Variants in POU5F2 observed in about 807,000 individuals in gnomAD.
POU5F2 encodes POU domain, class 5, transcription factor 2.
For missense variants in POU5F2, 401 were observed against 426.6 expected, an observed-to-expected ratio of 0.94 and a Z score of 0.53; for synonymous variants, 191 against 178.7, an observed-to-expected ratio of 1.07 and a Z score of -0.55.
chr5:93,740,059 G>A lies in POU5F2; in HGVS notation c.*518C>T, dbSNP rs1748067016. Reference sequence around the variant, plus strand: ...AGGTGTTTCAGCAAGGGCTCTAGGTGGGCTCTGTGTGTTTCTTCCCTATCA... The same window carrying A: ...AGGTGTTTCAGCAAGGGCTCTAGGTAGGCTCTGTGTGTTTCTTCCCTATCA... On this transcript the variant is annotated 3_prime_UTR_variant, in exon 1 of 1. Coordinates refer to ENST00000606183, the MANE Select transcript of POU5F2 (RefSeq NM_153216.2). The A allele has an allele frequency of 6.6e-6, 1 of 151,682 alleles. No individual in the cohort carries two copies. Among genetic ancestry groups the A allele is most frequent in the South Asian group, 2.1e-4 (1 of 4,802 alleles). 9.4% of individuals were successfully genotyped at this position (151,682 alleles called of 1,614,324 possible).
rs1011717938 is a variant in POU5F2, at chr5:93,734,438, C to T, written c.*6139G>A. 5 of 152,080 alleles carry T rather than the reference C, an allele frequency of 3.3e-5. No homozygotes were observed. Among genetic ancestry groups the T allele is most frequent in the African/African-American group, 1.2e-4 (5 of 41,396 alleles). 9.4% of individuals were successfully genotyped at this position (152,080 alleles called of 1,614,324 possible). A position where few individuals can be genotyped will look rare whatever the true frequency, so the allele number is the denominator to read the frequency against. On this transcript the variant is annotated 3_prime_UTR_variant, in exon 1 of 1. Coordinates refer to ENST00000606183, the MANE Select transcript of POU5F2 (RefSeq NM_153216.2). ...AAACTGTAGATCTAAAGAAGAGCCA[C>T]GGTCCTCTTTGAATATGTGATGAAG...
rs1469449634 is a variant in POU5F2, at chr5:93,738,242, C to A, written c.*2335G>T. On this transcript the variant is annotated 3_prime_UTR_variant, in exon 1 of 1. Coordinates refer to ENST00000606183, the MANE Select transcript of POU5F2 (RefSeq NM_153216.2). ...ATTAGAGAAATACAAATCAAAACCA[C>A]AATGAGACACCACTTAACAGCTACC... 1 of 155,804 alleles carries A rather than the reference C, an allele frequency of 6.4e-6. No homozygotes were observed. Among genetic ancestry groups the A allele is most frequent in the Non-Finnish European group, 1.4e-5 (1 of 70,414 alleles). The allele number at this position is 155,804 out of a possible 1,614,324, so 9.7% of individuals were successfully genotyped here. A position where few individuals can be genotyped will look rare whatever the true frequency, so the allele number is the denominator to read the frequency against.
At position 93,740,190 on chromosome 5, in the gene POU5F2, C is replaced by A. The variant is rs1219202082; in HGVS notation, c.*387G>T. 1 of 163,176 alleles carries A rather than the reference C, an allele frequency of 6.1e-6. No homozygotes were observed. Among genetic ancestry groups the A allele is most frequent in the South Asian group, 1.8e-4 (1 of 5,426 alleles). The allele number at this position is 163,176 out of a possible 1,614,324, so 10.1% of individuals were successfully genotyped here. A position where few individuals can be genotyped will look rare whatever the true frequency, so the allele number is the denominator to read the frequency against. On this transcript the variant is annotated 3_prime_UTR_variant, in exon 1 of 1. Transcript: ENST00000606183. ...GTAAAAAATTGTATACTAAGGTAGT[C>A]TTCTGTGACTTGAGTTTTTCACTTA...
Position 93,733,710 on chromosome 5 carries a change from T to C in POU5F2, c.*6867A>G, listed in dbSNP as rs140220613. On this transcript the variant is annotated 3_prime_UTR_variant, in exon 1 of 1. Coordinates refer to ENST00000606183, the MANE Select transcript of POU5F2 (RefSeq NM_153216.2). Reference sequence around the variant, plus strand: ...TTAAATAATTGGCCACCTAAATCTTTACCTTCGAAATTTCCTTAACTATCT... The same window carrying C: ...TTAAATAATTGGCCACCTAAATCTTCACCTTCGAAATTTCCTTAACTATCT... The C allele has an allele frequency of 1.3e-5, 2 of 152,316 alleles. No individual in the cohort carries two copies. Among genetic ancestry groups the C allele is most frequent in the East Asian group, 3.9e-4 (2 of 5,188 alleles). The allele number at this position is 152,316 out of a possible 1,614,324, so 9.4% of individuals were successfully genotyped here.
At position 93,734,118 on chromosome 5, in the gene POU5F2, T is replaced by C. The variant is rs1580942419; in HGVS notation, c.*6459A>G. Reference sequence around the variant, plus strand: ...GGTATCCAAACACCTCATGATTTCTTAGAGAATAAGAAAACTTCTAGGAAA... The same window carrying C: ...GGTATCCAAACACCTCATGATTTCTCAGAGAATAAGAAAACTTCTAGGAAA... On this transcript the variant is annotated 3_prime_UTR_variant, in exon 1 of 1. Coordinates refer to ENST00000606183, the MANE Select transcript of POU5F2 (RefSeq NM_153216.2). 1 of 152,164 alleles carries C rather than the reference T, an allele frequency of 6.6e-6. No individual in the cohort carries two copies. The highest frequency in any genetic ancestry group is 2.4e-5 in the African/African-American group (1 of 41,448). The allele number at this position is 152,164 out of a possible 1,614,324, so 9.4% of individuals were successfully genotyped here. A position where few individuals can be genotyped will look rare whatever the true frequency, so the allele number is the denominator to read the frequency against.
rs1747857769 is a variant in POU5F2, at chr5:93,739,222, T to C, written c.*1355A>G. The C allele has an allele frequency of 6.6e-6, 1 of 151,934 alleles. No individual in the cohort carries two copies. The highest frequency in any genetic ancestry group is 2.1e-4 in the South Asian group (1 of 4,812). The allele number at this position is 151,934 out of a possible 1,614,324, so 9.4% of individuals were successfully genotyped here. Reference sequence around the variant, plus strand: ...TGCACTCTTGGGCCCACAAGAGTTATTCTCTATACAGCCACCAGAAAAAAA... The same window carrying C: ...TGCACTCTTGGGCCCACAAGAGTTACTCTCTATACAGCCACCAGAAAAAAA... On this transcript the variant is annotated 3_prime_UTR_variant, in exon 1 of 1. Coordinates refer to ENST00000606183, the MANE Select transcript of POU5F2 (RefSeq NM_153216.2).
At position 93,740,579 on chromosome 5, in the gene POU5F2, A is replaced by G; in HGVS notation, c.985T>C (p.Ter329GlnextTer2). 1 of 1,590,570 alleles carries G rather than the reference A, an allele frequency of 6.3e-7. No homozygotes were observed. Among genetic ancestry groups the G allele is most frequent in the Non-Finnish European group, 8.6e-7 (1 of 1,162,296 alleles). Residue 329 changes from the stop codon to glutamine, a stop_lost, in exon 1 of 1, where the codon TAG (stop) becomes CAG (glutamine). Coordinates refer to ENST00000606183, the MANE Select transcript of POU5F2 (RefSeq NM_153216.2). ...CGTGAAGGGCAAGCCCCTCAGCCCT[A>G]AAATCTGAGGAGGCCCAGAGTGGTG... ...PATTLGLLRF[*>Q]
rs774933866 is a variant in POU5F2, at chr5:93,741,236, T to A, written c.328A>T (p.Ile110Phe). ...TCCTCTGGCGGCGGCAACTTCGGAA[T>A]GCTCCGCAGGGCAATGTAGGGCCCC... Reference protein sequence around the residue: ...LPGPYIALRSIPKLPPPEDIS... With the variant: ...LPGPYIALRSFPKLPPPEDIS... The change falls in exon 1 of 1, where the codon ATT (isoleucine) becomes TTT (phenylalanine). Residue 110 changes from isoleucine (I) to phenylalanine (F), a missense_variant. By Grantham distance (21) the Ile-to-Phe change is conservative. Coordinates refer to ENST00000606183, the MANE Select transcript of POU5F2 (RefSeq NM_153216.2). The A allele has an allele frequency of 2.5e-6, 4 of 1,613,800 alleles. No homozygotes were observed. In the South Asian group the frequency reaches 4.4e-5, roughly 18 times the overall value.
rs1261227848 is a variant in POU5F2, at chr5:93,741,420, C to A, written c.144G>T (p.Pro48=). The change falls in exon 1 of 1, where the codon CCG becomes CCT. Residue 48 remains proline (P), a synonymous_variant. Coordinates refer to ENST00000606183, the MANE Select transcript of POU5F2 (RefSeq NM_153216.2). ...QAAPGRVMVW[P]AVRPGICPGP... is the part of the protein sequence containing the mutation. ...CTGGGCAGATCCCTGGCCTGACTGCCGGCCAGACCATCACCCTGCCAGGGG... is the reference window on the plus strand; with the variant it reads ...CTGGGCAGATCCCTGGCCTGACTGCAGGCCAGACCATCACCCTGCCAGGGG... 1.1e-5 allele frequency: 18 copies of A among 1,613,290 alleles called. No homozygotes were observed. Among genetic ancestry groups the A allele is most frequent in the Non-Finnish European group, 1.5e-5 (18 of 1,179,788 alleles).
rs1247479130 is a variant in POU5F2 at position 93,735,337 on chromosome 5, T to C, written c.*5240A>G. 2 of 152,218 alleles carry C rather than the reference T, an allele frequency of 1.3e-5. No homozygotes were observed. Among genetic ancestry groups the C allele is most frequent in the Admixed American group, 6.5e-5 (1 of 15,286 alleles). The allele number at this position is 152,218 out of a possible 1,614,324, so 9.4% of individuals were successfully genotyped here. A position where few individuals can be genotyped will look rare whatever the true frequency, so the allele number is the denominator to read the frequency against. On this transcript the variant is annotated 3_prime_UTR_variant, in exon 1 of 1. Transcript: ENST00000606183. ...TTTTAAATTATGTGAAGCTGATTAG[T>C]GACACATAGAGGCTTTGCCTAAGCA...
At position 93,740,539 on chromosome 5, in the gene POU5F2, C is replaced by T; in HGVS notation, c.*38G>A. On this transcript the variant is annotated 3_prime_UTR_variant, in exon 1 of 1. Coordinates refer to ENST00000606183, the MANE Select transcript of POU5F2 (RefSeq NM_153216.2). ...TTTCCTGGGTTTTCCCTTCTTCTCCCCTCTCCAACCGTGCCGTGAAGGGCA... is the reference window on the plus strand; with the variant it reads ...TTTCCTGGGTTTTCCCTTCTTCTCCTCTCTCCAACCGTGCCGTGAAGGGCA... 1 of 1,543,042 alleles carries T rather than the reference C, an allele frequency of 6.5e-7. No individual in the cohort carries two copies. Among genetic ancestry groups the T allele is most frequent in the Non-Finnish European group, 8.7e-7 (1 of 1,143,278 alleles).
chr5:93,740,880 G>T lies in POU5F2; in HGVS notation c.684C>A (p.Phe228Leu), dbSNP rs926613223. The T allele has an allele frequency of 2.2e-5, 35 of 1,613,888 alleles. No homozygotes were observed. The highest frequency in any genetic ancestry group is 3.0e-5 in the Non-Finnish European group (35 of 1,179,892). ...GTGTGGGCTTAGGGCACCGCTGGAA[G>T]AATTTCTCCAGGCTGTTTCCGATTC... ...ERRIGNSLEK[F>L]FQRCPKPTPQ... The change falls in exon 1 of 1, where the codon TTC becomes TTA. Residue 228 changes from phenylalanine (F) to leucine (L), a missense_variant. Transcript: ENST00000606183.
At position 93,735,524 on chromosome 5, in the gene POU5F2, T is replaced by C. The variant is rs1482571621; in HGVS notation, c.*5053A>G. On this transcript the variant is annotated 3_prime_UTR_variant, in exon 1 of 1. Coordinates refer to ENST00000606183, the MANE Select transcript of POU5F2 (RefSeq NM_153216.2). Reference sequence around the variant, plus strand: ...GGTCAGTGCCTCTTTACAGCTCTTATGTTCACAACACAATCAGAGTTGTTT... The same window carrying C: ...GGTCAGTGCCTCTTTACAGCTCTTACGTTCACAACACAATCAGAGTTGTTT... 1 of 152,232 alleles carries C rather than the reference T, an allele frequency of 6.6e-6. No individual in the cohort carries two copies. Among genetic ancestry groups the C allele is most frequent in the Non-Finnish European group, 1.5e-5 (1 of 68,060 alleles). 9.4% of individuals were successfully genotyped at this position (152,232 alleles called of 1,614,324 possible). A position where few individuals can be genotyped will look rare whatever the true frequency, so the allele number is the denominator to read the frequency against.
In POU5F2 at chr5:93,740,771, C is replaced by T; in HGVS notation, c.793G>A (p.Gly265Ser). 6.2e-7 allele frequency: 1 copy of T among 1,612,326 alleles called. No individual in the cohort carries two copies. The highest frequency in any genetic ancestry group is 8.5e-7 in the Non-Finnish European group (1 of 1,179,036). The change falls in exon 1 of 1, where the codon GGC (glycine) becomes AGC (serine). Residue 265 changes from glycine (G) to serine (S), a missense_variant. Physicochemically the swap from Gly to Ser is moderately conservative, Grantham distance 56 (BLOSUM62 0). Coordinates refer to ENST00000606183, the MANE Select transcript of POU5F2 (RefSeq NM_153216.2). ...GAAGCATCATTGGTTGGTCGACTGC[C>T]CATCTTGCTGCGGTTATAGAACCAA... The part of the protein sequence containing the change: ...RVWFYNRSKM[G>S]SRPTNDASPR...
Position 93,736,593 on chromosome 5 carries a change from A to G in POU5F2, c.*3984T>C, listed in dbSNP as rs929173604. On this transcript the variant is annotated 3_prime_UTR_variant, in exon 1 of 1. Transcript: ENST00000606183. ...AAATAACCACCCTTAGAGTCGGAGG[A>G]AAAAAAAAGTTTAGGTCTCTTAGGT... 10 of 151,130 alleles carry G rather than the reference A, an allele frequency of 6.6e-5. No individual in the cohort carries two copies. Among genetic ancestry groups the G allele is most frequent in the Admixed American group, 5.3e-4 (8 of 15,214 alleles). The allele number at this position is 151,130 out of a possible 1,614,324, so 9.4% of individuals were successfully genotyped here. A position where few individuals can be genotyped will look rare whatever the true frequency, so the allele number is the denominator to read the frequency against.
chr5:93,737,949 CA>C lies in POU5F2; in HGVS notation c.*2627del, dbSNP rs1747567312. ...TTGGCAACATGAAAAGCCTAAGCAA[CA>C]AAAGAAAAAATGGATAAGCTGGACT... On this transcript the variant is annotated 3_prime_UTR_variant, in exon 1 of 1. Transcript: ENST00000606183. 2.3e-6 allele frequency: 1 copy of C among 440,704 alleles called. No homozygotes were observed. The highest frequency in any genetic ancestry group is 2.0e-5 in the African/African-American group (1 of 48,900). 27.3% of individuals were successfully genotyped at this position (440,704 alleles called of 1,614,324 possible).
chr5:93,734,565 G>T lies in POU5F2; in HGVS notation c.*6012C>A, dbSNP rs1228502583. ...TCTTCAGATTAAAAATACTTGCCTTGTCTATAGGAAATACAAGATAACCAA... is the reference window on the plus strand; with the variant it reads ...TCTTCAGATTAAAAATACTTGCCTTTTCTATAGGAAATACAAGATAACCAA... On this transcript the variant is annotated 3_prime_UTR_variant, in exon 1 of 1. Transcript: ENST00000606183. The T allele has an allele frequency of 1.3e-5, 2 of 152,086 alleles. No individual in the cohort carries two copies. Among genetic ancestry groups the T allele is most frequent in the Non-Finnish European group, 2.9e-5 (2 of 68,004 alleles). 9.4% of individuals were successfully genotyped at this position (152,086 alleles called of 1,614,324 possible). A position where few individuals can be genotyped will look rare whatever the true frequency, so the allele number is the denominator to read the frequency against.
In POU5F2 at chr5:93,740,745, G is replaced by A. The variant is rs777586729; in HGVS notation, c.819C>T (p.Ser273=). Residue 273 remains serine, a synonymous_variant, in exon 1 of 1, where the codon TCC becomes TCT. Transcript: ENST00000606183. ...CGGCTGTCCCCACAATCTCCCGTGG[G>A]GAAGCATCATTGGTTGGTCGACTGC... ...KMGSRPTNDA[S]PREIVGTAGP... The A allele has an allele frequency of 1.3e-5, 21 of 1,612,518 alleles. No homozygotes were observed. The highest frequency in any genetic ancestry group is 1.1e-4 in the African/African-American group (8 of 74,886).
chr5:93,741,353 C>T lies in POU5F2; in HGVS notation c.211G>A (p.Glu71Lys), dbSNP rs776427498. ...CAGGGTGCTATCCAGCCCCGGAATT[C>T]GTGTGGCAGGGGACCCAGGGGAATC... is the stretch of plus-strand genomic sequence containing the variant. ...WRIPLGPLPH[E>K]FRGWIAPCRP... Residue 71 changes from glutamate to lysine, a missense_variant, in exon 1 of 1, where the codon GAA becomes AAA. By Grantham distance (56) the Glu-to-Lys change is moderately conservative. Transcript: ENST00000606183. The T allele has an allele frequency of 4.3e-6, 7 of 1,610,932 alleles. No individual in the cohort carries two copies. Among genetic ancestry groups the T allele is most frequent in the Non-Finnish European group, 5.9e-6 (7 of 1,178,198 alleles).
Sources: allele counts gnomAD v4.1 joint callset, GRCh38; gene constraint gnomAD v4.1.1; transcripts MANE v1.5; gene names NCBI Gene and HGNC (gene_info 2026-07-23, HGNC 2026-07-21).